Variants in NALF1 observed in about 807,000 individuals in gnomAD.
The protein encoded by NALF1 is family with sequence similarity 155 member A.
In NALF1, 3 loss-of-function variants were observed where a neutral mutation model predicts 48.4. That is an observed-to-expected ratio of 0.06 (90% CI 0.03 to 0.16). The LOEUF (loss-of-function observed/expected upper bound fraction) is 0.16, where lower values mean the gene tolerates loss of function less well. Among genes scored for constraint, NALF1 ranks in the 10% least tolerant of loss-of-function variants. The pLI, the probability that NALF1 is intolerant of heterozygous loss-of-function variation, is 1.00. For missense variants in NALF1, 526 were observed against 571.5 expected, an observed-to-expected ratio of 0.92 and a Z score of 0.81; for synonymous variants, 262 against 245.7, an observed-to-expected ratio of 1.07 and a Z score of -0.62.
At chr13:107,445,536 G>A (rs1884635595) in intron 1 of NALF1, among the ~76,000 whole-genome samples, 1 of 152,162 alleles carries the variant, frequency 6.6e-6, no homozygotes. Context: ...GCGTGTACAG[G>A]TATTTGTGTA....
chr13:107,427,992 T>A (rs1034279332), intron 1 of NALF1, among the ~76,000 whole-genome samples: 3 of 152,208 alleles, frequency 2.0e-5, no homozygotes, highest in Non-Finnish European at 4.4e-5. Context: ...AGACATCTAG[T>A]TATTTAAAGC....
At chr13:107,642,706 G>A (rs539594511) in intron 1 of NALF1, among the ~76,000 whole-genome samples, 5 of 152,260 alleles carry the variant, frequency 3.3e-5, no homozygotes, top group South Asian at 2.1e-4. Flanking sequence ...AAAGACCCAC[G>A]TTAGATGATA....
chr13:107,553,768 T>C (rs1877370286), intron 1 of NALF1, among the ~76,000 whole-genome samples: 1 of 152,244 alleles, frequency 6.6e-6, no homozygotes, highest in Non-Finnish European at 1.5e-5. Flanking sequence ...CTTCTGTCTC[T>C]GCTTCAACTT....
chr13:107,540,221 T>C (rs565537429), intron 1 of NALF1, among the ~76,000 whole-genome samples: 6 of 152,198 alleles, frequency 3.9e-5, no homozygotes, highest in Admixed American at 2.0e-4. Flanking sequence ...ATAGTAGGAA[T>C]AGGATTTTAC....
chr13:107,770,040 G>A (rs1877534279), intron 1 of NALF1, among the ~76,000 whole-genome samples: 1 of 152,134 alleles, frequency 6.6e-6, no homozygotes, highest in South Asian at 2.1e-4. Flanking sequence ...AGCCTCCTGA[G>A]TAGCTGGGAC....
chr13:107,307,314 A>C (rs558037422), intron 1 of NALF1, among the ~76,000 whole-genome samples: 12 of 152,284 alleles, frequency 7.9e-5, no homozygotes, highest in African/African-American at 2.9e-4. Flanking sequence ...TTGAGACAAG[A>C]GATGAGAGAA....
intron 1 of NALF1, among the ~76,000 whole-genome samples, chr13:107,666,774 C>T (rs961287147): frequency 6.6e-6 from 1 of 151,694 alleles, no homozygotes; most frequent in Non-Finnish European, 1.5e-5. Flanking sequence ...GCATTGCCCC[C>T]ATAATTTTTT....
chr13:107,357,624 T>C (rs1260075645), intron 1 of NALF1, among the ~76,000 whole-genome samples: 1 of 152,154 alleles, frequency 6.6e-6, no homozygotes, highest in Non-Finnish European at 1.5e-5. Flanking sequence ...GGAGTAGCTT[T>C]GAAGTATTTG....
chr13:107,264,504 G>T (rs1019957801), intron 1 of NALF1, among the ~76,000 whole-genome samples: 1 of 152,080 alleles, frequency 6.6e-6, no homozygotes, highest in Non-Finnish European at 1.5e-5. Flanking sequence ...TACACAAAGA[G>T]AACATAATTT....
chr13:107,746,611 T>C (rs1291553946), intron 1 of NALF1, among the ~76,000 whole-genome samples: 1 of 152,226 alleles, frequency 6.6e-6, no homozygotes, highest in Non-Finnish European at 1.5e-5. Flanking sequence ...GAAACATCTG[T>C]ATTCTTAAGC....
intron 1 of NALF1, among the ~76,000 whole-genome samples, chr13:107,424,140 A>G (rs1341708372): frequency 4.0e-5 from 6 of 151,804 alleles, no homozygotes; most frequent in African/African-American, 1.5e-4. Context: ...TTACTTGTTT[A>G]TTTATTTATT....
chr13:107,545,333 T>C (rs1270796879), intron 1 of NALF1, among the ~76,000 whole-genome samples: 3 of 152,116 alleles, frequency 2.0e-5, no homozygotes, highest in African/African-American at 7.2e-5. Flanking sequence ...AGGAAACAAA[T>C]TCTCCTCTGG....
At chr13:107,313,205 T>A (rs961443354) in intron 1 of NALF1, among the ~76,000 whole-genome samples, 2 of 151,082 alleles carry the variant, frequency 1.3e-5, no homozygotes, top group African/African-American at 4.9e-5. Flanking sequence ...CCCAAAAAAA[T>A]AGAACACAGG....
At chr13:107,198,413 C>T (rs903841282) in intron 2 of NALF1, among the ~76,000 whole-genome samples, 5 of 152,184 alleles carry the variant, frequency 3.3e-5, no homozygotes, top group Non-Finnish European at 7.3e-5. Context: ...AATGTTAATA[C>T]CCTTTCTTCG....
At chr13:107,710,813 GTGTATA>G (rs1875563241) in intron 1 of NALF1, among the ~76,000 whole-genome samples, 2 of 60,086 alleles carry the variant, frequency 3.3e-5, no homozygotes, top group African/African-American at 1.0e-4. Flanking sequence ...ATACATATAT[GTGTATA>G]TATACACATA....
At chr13:107,627,108 T>C (rs1411797027) in intron 1 of NALF1, among the ~76,000 whole-genome samples, 1 of 142,306 alleles carries the variant, frequency 7.0e-6, no homozygotes, top group Non-Finnish European at 1.6e-5. Context: ...CTAAGGGGAT[T>C]TTTGTCCCTT....
intron 1 of NALF1, among the ~76,000 whole-genome samples, chr13:107,495,269 T>C (rs896547746): frequency 6.6e-6 from 1 of 152,164 alleles, no homozygotes; most frequent in Admixed American, 6.6e-5. Context: ...ATGCGCCAAA[T>C]TACAGCAACA....
At chr13:107,816,533 A>G (rs535602906) in intron 1 of NALF1, among the ~76,000 whole-genome samples, 1 of 152,284 alleles carries the variant, frequency 6.6e-6, no homozygotes, top group Non-Finnish European at 1.5e-5. Flanking sequence ...CAGCCCCACG[A>G]TTCAATTATC....
chr13:107,576,365 G>A (rs1245428343), intron 1 of NALF1, among the ~76,000 whole-genome samples: 1 of 151,956 alleles, frequency 6.6e-6, no homozygotes, highest in Admixed American at 6.6e-5. Flanking sequence ...GTGTTTTTTT[G>A]TTTATTTGCT....
Sources: allele counts gnomAD v4.1 joint callset (sites outside exome capture counted in the v4.1 genomes callset), GRCh38; gene constraint gnomAD v4.1.1; transcripts MANE v1.5; gene names NCBI Gene and HGNC (gene_info 2026-07-23, HGNC 2026-07-21).